The following SORCS3 variants were observed in gnomAD, a reference collection of about 807,000 sequenced individuals.
SORCS3 encodes VPS10 domain-containing receptor SorCS3.
Under a neutral mutation model 146.3 loss-of-function variants are expected in SORCS3, and 57 were observed. The ratio of observed to expected loss-of-function variants is 0.39; its 90% CI spans 0.31 to 0.49. The LOEUF is 0.49. Ranked by LOEUF, SORCS3 falls within the 20% of genes least tolerant of loss-of-function variation. SORCS3 has a pLI of 0.92. For missense variants in SORCS3, 1,341 were observed against 1,575.5 expected, an observed-to-expected ratio of 0.85 and a Z score of 2.52; for synonymous variants, 653 against 618.5, an observed-to-expected ratio of 1.06 and a Z score of -0.83.
At chr10:105,256,420 G>C (rs969946930) in intron 24 of SORCS3, among the ~76,000 whole-genome samples, 4 of 152,192 alleles carry the variant, frequency 2.6e-5, no homozygotes, top group Non-Finnish European at 5.9e-5. Context: ...TCAGAACAGT[G>C]TAAAGGAAGA....
chr10:105,092,521 A>G (rs959654147), intron 6 of SORCS3, among the ~76,000 whole-genome samples: 7 of 151,874 alleles, frequency 4.6e-5, no homozygotes, highest in African/African-American at 1.7e-4. Context: ...TAGTCTGGGC[A>G]TGTTTTATTT....
At chr10:105,204,573 G>T (rs2119624140) in intron 16 of SORCS3, among the ~76,000 whole-genome samples, 1 of 151,998 alleles carries the variant, frequency 6.6e-6, no homozygotes, top group South Asian at 2.1e-4. Context: ...ATATAATGTG[G>T]TGTATGTTTG....
At chr10:104,832,162 C>T (rs2018007820) in intron 1 of SORCS3, among the ~76,000 whole-genome samples, 1 of 152,158 alleles carries the variant, frequency 6.6e-6, no homozygotes, top group East Asian at 1.9e-4. Flanking sequence ...ATAGTTCTGC[C>T]TTTACCACTG....
intron 1 of SORCS3, among the ~76,000 whole-genome samples, chr10:104,668,198 A>G (rs2015807804): frequency 6.6e-6 from 1 of 152,140 alleles, no homozygotes; most frequent in Admixed American, 6.5e-5. Flanking sequence ...ATAGTAAACC[A>G]TATTAAGTGC....
Position 105,133,939 on chromosome 10 carries a change from C to G in SORCS3, c.1213-5458C>G, listed in dbSNP as rs1249919274. On this transcript the variant is annotated intron_variant, in intron 7 of 26. Coordinates refer to ENST00000369701, the MANE Select transcript of SORCS3 (RefSeq NM_014978.3). The stretch of plus-strand genomic sequence containing the variant: ...TACCACTGCACTCTAGCCTGGGTGA[C>G]AGAGTGAGACCCTGTCTCACAAAAG... 2.6e-5 allele frequency among the ~76,000 whole-genome samples: 4 copies of G among 152,140 alleles called. No individual in the cohort carries two copies. In the East Asian group the frequency reaches 5.8e-4, roughly 22 times the overall value.
rs568338982 is a variant in SORCS3, at chr10:104,808,595, G to A, written c.628-34197G>A. 2.6e-5 allele frequency among the ~76,000 whole-genome samples: 4 copies of A among 152,294 alleles called. No individual in the cohort carries two copies. The East Asian group carries it at 7.7e-4, about 29-fold the overall frequency. On this transcript the variant is annotated intron_variant, in intron 1 of 26. Coordinates refer to ENST00000369701, the MANE Select transcript of SORCS3 (RefSeq NM_014978.3). Reference sequence around the variant, plus strand: ...GGCCTGGAATCAAAAAAGAGAATGAGGCATTGAGTAAAGGCAATTTGCAGT... The same window carrying A: ...GGCCTGGAATCAAAAAAGAGAATGAAGCATTGAGTAAAGGCAATTTGCAGT...
chr10:105,242,816 TTTTTATATATAAATTATATATATA>T (rs2056841945), intron 20 of SORCS3, among the ~76,000 whole-genome samples: 1 of 61,302 alleles, frequency 1.6e-5, no homozygotes, highest in African/African-American at 6.0e-5. Flanking sequence ...TTTATATATA[TTTTTATATATAAATTATATATATA>T]TTTTTATATA....
intron 1 of SORCS3, among the ~76,000 whole-genome samples, chr10:104,786,549 A>AAATAATAATAATAATAATAAT (rs10644058): frequency 0.034 from 4,706 of 140,426 alleles, 136 homozygotes; most frequent in African/African-American, 0.068. Flanking sequence ...ACTCCATCTA[A>AAATAATAATAATAATAATAAT]AATAATAATA....
At chr10:105,000,939 C>G (rs115647853) in intron 4 of SORCS3, among the ~76,000 whole-genome samples, 2,099 of 152,284 alleles carry the variant, frequency 0.014, 45 homozygotes, top group African/African-American at 0.047. Context: ...GAGTCAGATA[C>G]TGCTTTATTT....
intron 4 of SORCS3, among the ~76,000 whole-genome samples, chr10:105,039,475 G>A (rs1236808218): frequency 3.2e-5 from 1 of 30,894 alleles, no homozygotes; most frequent in South Asian, 8.7e-4. Context: ...TTTTTTTTTT[G>A]AGATGGAGTC....
chr10:105,248,364 A>G (rs2056879490), intron 22 of SORCS3, among the ~76,000 whole-genome samples: 1 of 152,190 alleles, frequency 6.6e-6, no homozygotes, highest in Non-Finnish European at 1.5e-5. Context: ...TTTGGAGAGA[A>G]TACTTGAACT....
intron 14 of SORCS3, among the ~76,000 whole-genome samples, chr10:105,187,258 C>A (rs978092135): frequency 6.6e-6 from 1 of 152,120 alleles, no homozygotes; most frequent in African/African-American, 2.4e-5. Context: ...CAATCTTTGC[C>A]GCTTTCCACT....
intron 3 of SORCS3, among the ~76,000 whole-genome samples, chr10:104,934,438 G>T (rs970329315): frequency 5.3e-5 from 8 of 152,212 alleles, no homozygotes; most frequent in Non-Finnish European, 1.2e-4. Flanking sequence ...AGCAGGGACA[G>T]TATCTTGTAT....
At chr10:104,692,160 T>A (rs1016804568) in intron 1 of SORCS3, among the ~76,000 whole-genome samples, 1 of 152,014 alleles carries the variant, frequency 6.6e-6, no homozygotes, top group African/African-American at 2.4e-5. Flanking sequence ...GGGGAAGGGA[T>A]TGAGCCTTTT....
Position 104,810,175 on chromosome 10 carries a change from C to T in SORCS3, c.628-32617C>T, listed in dbSNP as rs376253932. 6.1e-4 allele frequency among the ~76,000 whole-genome samples: 93 copies of T among 152,218 alleles called. 3 individuals are homozygous for T. In the South Asian group the frequency reaches 0.011, roughly 19 times the overall value. On this transcript the variant is annotated intron_variant, in intron 1 of 26. Coordinates refer to ENST00000369701, the MANE Select transcript of SORCS3 (RefSeq NM_014978.3). Reference sequence around the variant, plus strand: ...AAAAGCAGAAATAAAGGATTTTCACCTCTATTTTTATAATAGTTTTTTTCT... The same window carrying T: ...AAAAGCAGAAATAAAGGATTTTCACTTCTATTTTTATAATAGTTTTTTTCT...
chr10:104,807,421 T>A (rs2017690866), intron 1 of SORCS3, among the ~76,000 whole-genome samples: 1 of 152,208 alleles, frequency 6.6e-6, no homozygotes, highest in African/African-American at 2.4e-5. Context: ...AGAGAGTATC[T>A]ACCATTTAAT....
At chr10:104,996,312 T>G (rs1391817553) in intron 4 of SORCS3, among the ~76,000 whole-genome samples, 2 of 152,224 alleles carry the variant, frequency 1.3e-5, no homozygotes, top group East Asian at 3.8e-4. Flanking sequence ...TTAAACATAT[T>G]GAGTCTTCTG....
chr10:105,201,150 A>G lies in SORCS3; in HGVS notation c.2158A>G (p.Ile720Val), dbSNP rs1254581239. The G allele has an allele frequency of 6.2e-6, 10 of 1,613,046 alleles. No homozygotes were observed. Among genetic ancestry groups the G allele is most frequent in the Non-Finnish European group, 8.5e-6 (10 of 1,179,440 alleles). Reference protein sequence around the residue: ...GEPCVMGERKIFKKRKPGAQC... With the variant: ...GEPCVMGERKVFKKRKPGAQC... ...GCCTTGTGTCATGGGAGAAAGGAAA[A>G]TATTCAAGAAACGTAAGCCAGGAGC... is the stretch of plus-strand genomic sequence containing the variant. The change falls in exon 16 of 27, where the codon ATA (isoleucine) becomes GTA (valine). Residue 720 changes from isoleucine (I) to valine (V), a missense_variant. Coordinates refer to ENST00000369701, the MANE Select transcript of SORCS3 (RefSeq NM_014978.3).
rs539774722 is a variant in SORCS3 at position 104,918,309 on chromosome 10, A to G, written c.795+2377A>G. ...CCAACAACATTTTACAGATGAGAAA[A>G]TTGAAGCAAAAAAAACTCACATAGC... On this transcript the variant is annotated intron_variant, in intron 3 of 26. Transcript: ENST00000369701. Among the ~76,000 whole-genome samples the G allele has an allele frequency of 1.3e-4, 20 of 152,336 alleles. No homozygotes were observed. In the East Asian group the frequency reaches 3.9e-3, roughly 29 times the overall value.
Sources: gnomAD v4.1 joint callset for allele counts (sites outside exome capture counted in the v4.1 genomes callset) on GRCh38, gnomAD v4.1.1 for gene constraint, MANE v1.5 for transcripts, NCBI Gene and HGNC (gene_info 2026-07-23, HGNC 2026-07-21) for gene names.